The following GPC3 variants were observed in gnomAD, a reference collection of about 807,000 sequenced individuals.
The protein encoded by GPC3 is glypican-3.
A neutral mutation model predicts 34.4 loss-of-function variants in GPC3; 3 were observed. That is an observed-to-expected ratio of 0.09 (90% CI 0.04 to 0.23). The LOEUF is 0.23. Ranked by LOEUF, GPC3 falls within the 10% of genes least tolerant of loss-of-function variation. The pLI is 1.00. For synonymous variants in GPC3, 177 were observed against 174.0 expected, an observed-to-expected ratio of 1.02 and a Z score of -0.13; for missense variants, 351 against 445.6, an observed-to-expected ratio of 0.79 and a Z score of 1.91.
chrX:133,592,264 T>TCCCTCAC (rs2069857735), intron 7 of GPC3, among the ~76,000 whole-genome samples: 1 of 65,600 alleles, frequency 1.5e-5, no homozygotes, highest in Admixed American at 1.7e-4. Context: ...CCTAATGCTA[T>TCCCTCAC]CCCTCCCCCC....
chrX:133,945,904 A>G (rs1251331780), intron 2 of GPC3, among the ~76,000 whole-genome samples: 1 of 112,204 alleles, frequency 8.9e-6, no homozygotes, highest in Non-Finnish European at 1.9e-5. Flanking sequence ...TTCTTAAAGA[A>G]GGTCCCCCAA....
intron 3 of GPC3, among the ~76,000 whole-genome samples, chrX:133,727,393 T>C (rs1391632169): frequency 9.1e-6 from 1 of 109,992 alleles, no homozygotes; most frequent in African/African-American, 3.3e-5. Context: ...TAAAAATATA[T>C]AAAAAAATTA....
chrX:133,687,868 TAAACTAATTTATAGAAACTA>T (rs1235416741), intron 5 of GPC3, among the ~76,000 whole-genome samples: 1 of 112,748 alleles, frequency 8.9e-6, no homozygotes, highest in Non-Finnish European at 1.9e-5. Context: ...TTATAGATTC[TAAACTAATTTATAGAAACTA>T]AAACTAATTT....
At chrX:133,656,525 C>T (rs2070666464) in intron 6 of GPC3, among the ~76,000 whole-genome samples, 3 of 111,906 alleles carry the variant, frequency 2.7e-5, no homozygotes, top group Admixed American at 1.9e-4. Context: ...TTATAAAGAT[C>T]ACGTTATCTA....
In GPC3 at chrX:133,562,224, G is replaced by A. The variant is rs367660422; in HGVS notation, c.1574-25931C>T. On this transcript the variant is annotated intron_variant, in intron 7 of 7. Coordinates refer to ENST00000370818, the MANE Select transcript of GPC3 (RefSeq NM_004484.4). ...TATGTGAAATCAAAAAGGCGAAGGA[G>A]TCACGAGCAGTTTTCCAAGCAGCAT... Among the ~76,000 whole-genome samples the A allele has an allele frequency of 1.3e-4, 14 of 111,757 alleles. No individual in the cohort carries two copies. In the East Asian group the frequency reaches 3.1e-3, roughly 25 times the overall value.
chrX:133,881,976 C>G (rs902677031), intron 2 of GPC3, among the ~76,000 whole-genome samples: 2 of 112,536 alleles, frequency 1.8e-5, no homozygotes, highest in African/African-American at 3.2e-5. Context: ...GGGCCCTTCG[C>G]GCCGTGCCTC....
intron 1 of GPC3, among the ~76,000 whole-genome samples, chrX:133,973,778 G>T (rs989793205): frequency 1.8e-5 from 2 of 112,097 alleles, no homozygotes; most frequent in Non-Finnish European, 3.8e-5. Context: ...GCAGAATACA[G>T]ACCAGAGCTC....
intron 7 of GPC3, among the ~76,000 whole-genome samples, chrX:133,590,972 C>G (rs1177814669): frequency 8.9e-6 from 1 of 111,759 alleles, no homozygotes; most frequent in Non-Finnish European, 1.9e-5. Context: ...GAGAAACTGA[C>G]TTTTCAAAAG....
At chrX:133,664,761 C>T (rs1290457376) in intron 5 of GPC3, among the ~76,000 whole-genome samples, 1 of 74,938 alleles carries the variant, frequency 1.3e-5, no homozygotes, top group Non-Finnish European at 2.6e-5. Context: ...TATTTTAATA[C>T]AAAAAAACAG....
At chrX:133,592,514 T>G (rs974479185) in intron 7 of GPC3, among the ~76,000 whole-genome samples, 7 of 110,059 alleles carry the variant, frequency 6.4e-5, no homozygotes, top group Non-Finnish European at 1.3e-4. Context: ...CAATGAACAT[T>G]AGCTTCTCTT....
intron 1 of GPC3, among the ~76,000 whole-genome samples, chrX:133,964,007 C>A (rs969127625): frequency 9.0e-6 from 1 of 110,827 alleles, no homozygotes; most frequent in African/African-American, 3.3e-5. Context: ...CCCCAGGGTT[C>A]CTTTCTCTCT....
intron 2 of GPC3, among the ~76,000 whole-genome samples, chrX:133,793,479 T>G (rs2072189079): frequency 8.9e-6 from 1 of 111,861 alleles, no homozygotes; most frequent in Non-Finnish European, 1.9e-5. Context: ...GCTCTGATGC[T>G]CTTAGTAAGT....
At chrX:133,924,470 G>A (rs1191307877) in intron 2 of GPC3, among the ~76,000 whole-genome samples, 4 of 111,964 alleles carry the variant, frequency 3.6e-5, no homozygotes. Flanking sequence ...TTCTGGAAGT[G>A]CTAATTACCT....
chrX:133,747,981 G>A lies in GPC3; in HGVS notation c.1032+5501C>T, dbSNP rs565695461. On this transcript the variant is annotated intron_variant, in intron 3 of 7. Transcript: ENST00000370818. ...ATGCTGAGATGAATCAATAAAGTAT[G>A]TATGTGTGTACAAGTAGAAAAATAA... Among the ~76,000 whole-genome samples, 16 of 112,366 alleles carry A rather than the reference G, an allele frequency of 1.4e-4. No individual in the cohort carries two copies. In the South Asian group the frequency reaches 5.9e-3, roughly 41 times the overall value.
chrX:133,838,729 T>C (rs1373169525), intron 2 of GPC3, among the ~76,000 whole-genome samples: 1 of 112,087 alleles, frequency 8.9e-6, no homozygotes, highest in Non-Finnish European at 1.9e-5. Context: ...ACTGAAATAT[T>C]GGTACTACCA....
At chrX:133,865,859 T>A (rs1308180986) in intron 2 of GPC3, among the ~76,000 whole-genome samples, 1 of 111,783 alleles carries the variant, frequency 8.9e-6, no homozygotes. Context: ...GCCTCACTGG[T>A]TTTAGTAGAC....
chrX:133,658,634 GA>G (rs763255040), intron 6 of GPC3, among the ~76,000 whole-genome samples: 1 of 111,181 alleles, frequency 9.0e-6, no homozygotes, highest in Non-Finnish European at 1.9e-5. Flanking sequence ...ACACAGATGA[GA>G]AAAAAAATCA....
intron 3 of GPC3, chrX:133,704,141 C>T (rs1207484391): frequency 6.0e-6 from 4 of 663,221 alleles, no homozygotes; most frequent in East Asian, 7.8e-5. Flanking sequence ...GGCCTACCAC[C>T]CCACTTCCAC....
intron 1 of GPC3, among the ~76,000 whole-genome samples, chrX:133,984,650 A>G (rs2076557535): frequency 9.0e-6 from 1 of 111,348 alleles, no homozygotes; most frequent in Non-Finnish European, 1.9e-5. Context: ...GCTAACCTAT[A>G]TAAGGGATGC....
Sources: gnomAD v4.1 joint callset for allele counts (sites outside exome capture counted in the v4.1 genomes callset) on GRCh38, gnomAD v4.1.1 for gene constraint, MANE v1.5 for transcripts, NCBI Gene and HGNC (gene_info 2026-07-23, HGNC 2026-07-21) for gene names.